The following COL19A1 variants were observed in gnomAD, a reference collection of about 807,000 sequenced individuals.
The protein encoded by COL19A1 is collagen alpha-1(XIX) chain.
A neutral mutation model predicts 190.2 loss-of-function variants in COL19A1; 159 were observed. The observed-to-expected ratio is 0.84, with a 90% confidence interval of 0.73 to 0.95. COL19A1 has a LOEUF of 0.95. Among genes scored for constraint, COL19A1 ranks in the 40% least tolerant of loss-of-function variants. The pLI is 0.00. For missense variants in COL19A1, 1,418 were observed against 1,431.9 expected (o/e 0.99, Z 0.16); for synonymous variants, 509 against 458.9 (o/e 1.11, Z -1.39).
At position 69,890,963 on chromosome 6, in the gene COL19A1, G is replaced by A. The variant is rs1669891803; in HGVS notation, c.92-7985G>A. 3 of 226,638 alleles carry A rather than the reference G, an allele frequency of 1.3e-5. No homozygotes were observed. The South Asian group carries it at 1.9e-4, about 14-fold the overall frequency. 14.0% of individuals were successfully genotyped at this position (226,638 alleles called of 1,614,324 possible). A position where few individuals can be genotyped will look rare whatever the true frequency, so the allele number is the denominator to read the frequency against. On this transcript the variant is annotated intron_variant, in intron 2 of 50. Transcript: ENST00000620364. ...TGCTGACAGGGGTTGCTGTTTTGGGGAAACGGAAGTCGGAGCTCCTTCAGA... is the reference window on the plus strand; with the variant it reads ...TGCTGACAGGGGTTGCTGTTTTGGGAAAACGGAAGTCGGAGCTCCTTCAGA...
At chr6:70,059,888 A>G in intron 14 of COL19A1, 1 of 377,910 alleles carries the variant, frequency 2.6e-6, no homozygotes, top group Non-Finnish European at 5.3e-6. Context: ...AGTAGAAAAC[A>G]TTGATAGGCA....
intron 14 of COL19A1, among the ~76,000 whole-genome samples, chr6:70,045,299 C>G (rs1389000440): frequency 1.6e-5 from 2 of 125,586 alleles, no homozygotes. Context: ...GCAACAAGAG[C>G]GAGACTCTGT....
At chr6:70,144,135 G>C in intron 23 of COL19A1, 75 bp from the exon 24 acceptor site, 2 of 1,302,670 alleles carry the variant, frequency 1.5e-6, no homozygotes, top group Non-Finnish European at 2.2e-6. Context: ...TCTTGACAGA[G>C]ATTCACAGAT....
chr6:70,167,360 A>G (rs957513495), intron 37 of COL19A1, among the ~76,000 whole-genome samples: 4 of 152,242 alleles, frequency 2.6e-5, no homozygotes, highest in Non-Finnish European at 5.9e-5. Flanking sequence ...TAAAATTTTT[A>G]TATGGAAATT....
intron 11 of COL19A1, among the ~76,000 whole-genome samples, chr6:70,019,733 C>A (rs1778313940): frequency 6.6e-6 from 1 of 151,956 alleles, no homozygotes; most frequent in African/African-American, 2.4e-5. Context: ...GTTTTGTTTT[C>A]AAATCTTTTC....
chr6:69,913,967 A>G (rs549427260), intron 4 of COL19A1, among the ~76,000 whole-genome samples: 3 of 152,202 alleles, frequency 2.0e-5, no homozygotes, highest in Non-Finnish European at 4.4e-5. Context: ...TAAAAAAAAA[A>G]AAACCCTTTC....
At chr6:69,874,524 G>A in intron 1 of COL19A1, among the ~76,000 whole-genome samples, 1 of 152,162 alleles carries the variant, frequency 6.6e-6, no homozygotes, top group Non-Finnish European at 1.5e-5. Flanking sequence ...GGCCAAGGCA[G>A]GCGGATCACA....
chr6:69,932,756 T>G (rs1308130278), intron 6 of COL19A1, 27 bp from the exon 7 acceptor site: 47 of 1,399,986 alleles, frequency 3.4e-5, no homozygotes, highest in Non-Finnish European at 4.5e-5. Flanking sequence ...AAACTAAAGA[T>G]GTTTCTTATT....
intron 48 of COL19A1, 139 bp downstream of exon 48, chr6:70,190,520 C>G: frequency 1.6e-6 from 1 of 615,848 alleles, no homozygotes; most frequent in Non-Finnish European, 2.9e-6. Flanking sequence ...TATGATGGGA[C>G]AGCTCTTTGA....
intron 7 of COL19A1, among the ~76,000 whole-genome samples, chr6:69,936,280 G>C (rs906856649): frequency 9.9e-5 from 15 of 152,058 alleles, no homozygotes; most frequent in Non-Finnish European, 1.5e-4. Context: ...CAGTAGACTA[G>C]AACAAAGTAT....
chr6:69,945,231 G>C (rs546412684), intron 9 of COL19A1, among the ~76,000 whole-genome samples: 1 of 152,098 alleles, frequency 6.6e-6, no homozygotes, highest in Middle Eastern at 3.4e-3. Flanking sequence ...TTTATGAAAT[G>C]ATTGCTTTGC....
Position 70,210,930 on chromosome 6 carries a change from T to G in COL19A1, c.*3656T>G, listed in dbSNP as rs1464114615. On this transcript the variant is annotated 3_prime_UTR_variant, in exon 51 of 51. Coordinates refer to ENST00000620364, the MANE Select transcript of COL19A1 (RefSeq NM_001858.6). ...TCTTTGGTGGATATATATGTACTTA[T>G]ACACTTAGTTAACATGCAGATTAAC... is the stretch of plus-strand genomic sequence containing the variant. Among the ~76,000 whole-genome samples the G allele has an allele frequency of 6.6e-6, 1 of 152,212 alleles. No homozygotes were observed. Among genetic ancestry groups the G allele is most frequent in the African/African-American group, 2.4e-5 (1 of 41,474 alleles).
In COL19A1 at chr6:70,017,773, G is replaced by A. The variant is rs543296209; in HGVS notation, c.1027-5854G>A. On this transcript the variant is annotated intron_variant, in intron 11 of 50. Transcript: ENST00000620364. ...AGTAAGTATTTCTAGGAGGGGGCTT[G>A]TCATAAAGATATCAAATGCTTCAGA... Among the ~76,000 whole-genome samples the A allele has an allele frequency of 2.0e-5, 3 of 152,214 alleles. No individual in the cohort carries two copies. The East Asian group carries it at 5.8e-4, about 29-fold the overall frequency.
At chr6:69,960,712 C>T (rs1484183747) in intron 10 of COL19A1, among the ~76,000 whole-genome samples, 1 of 149,904 alleles carries the variant, frequency 6.7e-6, no homozygotes, top group East Asian at 2.0e-4. Flanking sequence ...TCACTGCAAG[C>T]TCTGCCTCCG....
intron 11 of COL19A1, among the ~76,000 whole-genome samples, chr6:70,020,479 C>T (rs759918331): frequency 1.3e-5 from 2 of 151,848 alleles, no homozygotes; most frequent in African/African-American, 4.8e-5. Flanking sequence ...TTTTCTAATC[C>T]ATCCAGAATT....
At chr6:70,037,472 T>TG (rs1029560169) in intron 14 of COL19A1, among the ~76,000 whole-genome samples, 7 of 147,754 alleles carry the variant, frequency 4.7e-5, no homozygotes, top group South Asian at 4.3e-4. Flanking sequence ...TTTGTAGAAT[T>TG]AAAAAAAAAA....
intron 2 of COL19A1, among the ~76,000 whole-genome samples, chr6:69,896,387 A>C (rs970434720): frequency 6.6e-6 from 1 of 151,532 alleles, no homozygotes; most frequent in African/African-American, 2.4e-5. Context: ...AATACAAAAA[A>C]TTAGCCGGGC....
intron 8 of COL19A1, among the ~76,000 whole-genome samples, chr6:69,937,666 C>CT (rs1437038746): frequency 6.6e-6 from 1 of 152,134 alleles, no homozygotes; most frequent in Non-Finnish European, 1.5e-5. Context: ...CAACTCCTGG[C>CT]TGAGCCAGAT....
At chr6:70,169,226 G>A (rs1035631614) in intron 40 of COL19A1, among the ~76,000 whole-genome samples, 2 of 152,306 alleles carry the variant, frequency 1.3e-5, no homozygotes, top group Non-Finnish European at 2.9e-5. Context: ...CCTAAAGGAC[G>A]ATAATTGTTC....
Sources: gnomAD v4.1 joint callset for allele counts (sites outside exome capture counted in the v4.1 genomes callset) on GRCh38, gnomAD v4.1.1 for gene constraint, MANE v1.5 for transcripts, NCBI Gene and HGNC (gene_info 2026-07-23, HGNC 2026-07-21) for gene names.